The following ALDOB variants were observed in gnomAD, a reference collection of about 807,000 sequenced individuals.
The protein encoded by ALDOB is aldolase, fructose-bisphosphate B.
ALDOB carries 39 observed loss-of-function variants against 41.0 expected under a neutral mutation model. The ratio of observed to expected loss-of-function variants is 0.95; its 90% confidence interval spans 0.74 to 1.24. The LOEUF is 1.24. ALDOB is among the 50% of genes most tolerant of loss of function. The probability of loss-of-function intolerance (pLI) is 0.00; values close to 1 mark genes in which losing one functional copy is unlikely to be tolerated. For missense variants in ALDOB, 530 were observed against 457.3 expected (o/e 1.16, Z -1.45); for synonymous variants, 175 against 168.8 (o/e 1.04, Z -0.28).
chr9:101,430,022 C>T (rs1831194926), intron 2 of ALDOB, 56 bp from the exon 3 acceptor site: 4 of 1,444,408 alleles, frequency 2.8e-6, no homozygotes, highest in East Asian at 2.3e-5. Context: ...TTCCTGTCAC[C>T]CTTCTCCACA....
At chr9:101,424,486 G>A (rs1380091120) in intron 8 of ALDOB, among the ~76,000 whole-genome samples, 9 of 152,128 alleles carry the variant, frequency 5.9e-5, no homozygotes, top group Admixed American at 5.9e-4. Flanking sequence ...TTCCCAGAAT[G>A]CTTGGTTCAC....
intron 7 of ALDOB, 71 bp downstream of exon 7, chr9:101,425,382 A>G: frequency 6.4e-7 from 1 of 1,566,038 alleles, no homozygotes; most frequent in Non-Finnish European, 8.8e-7. Flanking sequence ...ATTTCTGGAC[A>G]AACAGAAAGC....
chr9:101,426,430 C>A (rs1353337990), intron 6 of ALDOB, 125 bp downstream of exon 6: 1 of 717,088 alleles, frequency 1.4e-6, no homozygotes, highest in Non-Finnish European at 2.6e-6. Context: ...CACCTCCCTA[C>A]CTTCTCTATG....
intron 1 of ALDOB, among the ~76,000 whole-genome samples, chr9:101,434,877 G>C (rs1029085011): frequency 6.6e-6 from 1 of 152,196 alleles, no homozygotes; most frequent in African/African-American, 2.4e-5. Context: ...GAATAGCAGG[G>C]TAGCAGAGTT....
chr9:101,429,642 T>G, intron 3 of ALDOB, 113 bp downstream of exon 3: 2 of 1,025,728 alleles, frequency 1.9e-6, no homozygotes, highest in Non-Finnish European at 3.1e-6. Flanking sequence ...TGGAAAAGGG[T>G]GAGAAGAGAA....
chr9:101,422,515 A>T (rs1450456716), intron 8 of ALDOB, among the ~76,000 whole-genome samples: 2 of 152,222 alleles, frequency 1.3e-5, no homozygotes, highest in African/African-American at 4.8e-5. Flanking sequence ...CCTTAGGAAC[A>T]TGTTAAAAAT....
chr9:101,424,431 C>A (rs1831093524), intron 8 of ALDOB, among the ~76,000 whole-genome samples: 1 of 152,100 alleles, frequency 6.6e-6, no homozygotes, highest in African/African-American at 2.4e-5. Flanking sequence ...AACAAACAAA[C>A]AAACAAACAA....
Position 101,424,983 on chromosome 9 carries a change from T to G in ALDOB, c.859A>C (p.Ile287Leu). The part of the protein sequence containing the change: ...EEDATLNLNA[I>L]NLCPLPKPWK... ...GGCTTTGGTAGAGGGCAAAGGTTGA[T>G]AGCATTGAGGTTGAGAGTGGCATCC... The change falls in exon 8 of 9, where the codon ATC becomes CTC. Residue 287 changes from isoleucine to leucine, a missense_variant. Coordinates refer to ENST00000647789, the MANE Select transcript of ALDOB (RefSeq NM_000035.4). 6.2e-7 allele frequency: 1 copy of G among 1,614,206 alleles called. No homozygotes were observed. Among genetic ancestry groups the G allele is most frequent in the Non-Finnish European group, 8.5e-7 (1 of 1,180,026 alleles).
At chr9:101,430,115 TC>T in intron 2 of ALDOB, 149 bp from the exon 3 acceptor site, 1 of 788,014 alleles carries the variant, frequency 1.3e-6, no homozygotes, top group South Asian at 1.5e-5. Flanking sequence ...TTTTTTGTGT[TC>T]CAGGGAGAAG....
At chr9:101,428,393 T>C in intron 4 of ALDOB, 76 bp downstream of exon 4, 3 of 1,403,596 alleles carry the variant, frequency 2.1e-6, no homozygotes, top group Non-Finnish European at 3.0e-6. Flanking sequence ...GTTTTGTTTT[T>C]CCTTGCTTCC....
chr9:101,428,510 C>T lies in ALDOB; in HGVS notation c.338G>A (p.Gly113Asp), dbSNP rs2118358776. The change falls in exon 4 of 9, where the codon GGT (glycine) becomes GAT (aspartate). Residue 113 changes from glycine (G) to aspartate (D), a missense_variant. By Grantham distance (94) the Gly-to-Asp change is moderately conservative (BLOSUM62 -1). Transcript: ENST00000647789. ...IVVGIKLDQG[G>D]APLAGTNKET... is the part of the protein sequence containing the mutation. ...TTTGTTTGTTCCTGCAAGAGGAGCACCTCCTTGGTCTAACTGTGGATACAA... is the reference window on the plus strand; with the variant it reads ...TTTGTTTGTTCCTGCAAGAGGAGCATCTCCTTGGTCTAACTGTGGATACAA... 2 of 1,613,896 alleles carry T rather than the reference C, an allele frequency of 1.2e-6. No homozygotes were observed. Among genetic ancestry groups the T allele is most frequent in the East Asian group, 4.5e-5 (2 of 44,876 alleles).
intron 1 of ALDOB, among the ~76,000 whole-genome samples, chr9:101,435,393 C>T (rs773808553): frequency 1.3e-5 from 2 of 152,122 alleles, no homozygotes; most frequent in African/African-American, 2.4e-5. Context: ...TAGAACCTAA[C>T]GATAGGAGTG....
chr9:101,430,878 G>A lies in ALDOB; in HGVS notation c.10C>T (p.Arg4Ter), dbSNP rs118204428. 18 of 1,613,250 alleles carry A rather than the reference G, an allele frequency of 1.1e-5. No individual in the cohort carries two copies. The East Asian group carries it at 1.3e-4, about 12-fold the overall frequency. The stretch of plus-strand genomic sequence containing the variant: ...TGCTCCTGGGTGAGGGCTGGAAATC[G>A]GTGGGCCATGGTGACAGGTCTGGAA... MAH[R>*]FPALTQEQKK... is the part of the protein sequence containing the mutation. Residue 4 changes from arginine to a stop codon, truncating the protein, a stop_gained, in exon 2 of 9, where the codon CGA (arginine) becomes TGA (stop). Coordinates refer to ENST00000647789, the MANE Select transcript of ALDOB (RefSeq NM_000035.4). LOFTEE classifies it high-confidence loss of function.
chr9:101,434,751 T>C (rs894971139), intron 1 of ALDOB, among the ~76,000 whole-genome samples: 49 of 152,252 alleles, frequency 3.2e-4, no homozygotes, highest in African/African-American at 1.0e-3. Context: ...TCCTCTAAAC[T>C]TGGAATGAAG....
chr9:101,428,445 C>T (rs2118358313), intron 4 of ALDOB, 24 bp downstream of exon 4: 2 of 1,607,614 alleles, frequency 1.2e-6, no homozygotes, highest in East Asian at 4.5e-5. Context: ...TGGCATGATT[C>T]ATCTCAGTGG....
rs143271050 is a variant in ALDOB, at chr9:101,428,749, G to T, written c.325-226C>A. On this transcript the variant is annotated intron_variant, in intron 3 of 8. Transcript: ENST00000647789. ...TGAGCACCTGCATGCACCAGGTGTT[G>T]TGTTAGTACAGGAGGTAAAGAGAAT... 1.3e-3 allele frequency among the ~76,000 whole-genome samples: 204 copies of T among 152,320 alleles called. 1 individual carries two copies. Among genetic ancestry groups the T allele is most frequent in the African/African-American group, 4.5e-3 (187 of 41,572 alleles).
intron 2 of ALDOB, 38 bp from the exon 3 acceptor site, chr9:101,430,004 C>T (rs764158190): frequency 6.4e-7 from 1 of 1,560,650 alleles, no homozygotes; most frequent in Non-Finnish European, 8.8e-7. Context: ...AAGGAGCAAG[C>T]CAGGGCTTTC....
chr9:101,426,591 GT>G lies in ALDOB; in HGVS notation c.587del (p.Asp196AlafsTer22). On this transcript the variant is annotated frameshift_variant, in exon 6 of 9. Transcript: ENST00000647789. LOFTEE classifies it high-confidence loss of function. ...IVEPEVIPDG[D>X]HDLEHCQYVT... is the part of the protein sequence containing the mutation. ...CATACTGGCAGTGTTCCAGGTCATG[GT>G]CTCCATCAGGAATTACCTCTGGTTC... The G allele has an allele frequency of 6.2e-7, 1 of 1,613,148 alleles. No individual in the cohort carries two copies. The highest frequency in any genetic ancestry group is 8.5e-7 in the Non-Finnish European group (1 of 1,179,134).
At chr9:101,425,392 C>T in intron 7 of ALDOB, 61 bp downstream of exon 7, 1 of 1,585,342 alleles carries the variant, frequency 6.3e-7, no homozygotes, top group Non-Finnish European at 8.7e-7. Context: ...AAACAGAAAG[C>T]TTGTGGCTCT....
Sources: gnomAD v4.1 joint callset for allele counts (sites outside exome capture counted in the v4.1 genomes callset) on GRCh38, gnomAD v4.1.1 for gene constraint, MANE v1.5 for transcripts, NCBI Gene and HGNC (gene_info 2026-07-23, HGNC 2026-07-21) for gene names.